UCMA: variants seen among roughly 807,000 people sequenced by gnomAD.
UCMA encodes the protein upper zone of growth plate and cartilage matrix-associated protein.
UCMA carries 21 observed loss-of-function variants against 21.8 expected under a neutral mutation model. The ratio of observed to expected loss-of-function variants is 0.97; its 90% CI spans 0.68 to 1.39. UCMA has a LOEUF of 1.39. UCMA is among the 40% of genes most tolerant of loss of function. UCMA has a pLI of 0.00. For synonymous variants in UCMA, 76 were observed against 67.9 expected (o/e 1.12, Z -0.58); for missense variants, 193 against 178.9 (o/e 1.08, Z -0.45).
Position 13,221,846 on chromosome 10 carries a change from G to C in UCMA, c.*257C>G. On this transcript the variant is annotated 3_prime_UTR_variant, in exon 5 of 5. Coordinates refer to ENST00000378681, the MANE Select transcript of UCMA (RefSeq NM_145314.3). ...TTCTTTTGCTTGGGAACGAAGCCAG[G>C]GGAAGCCACTGTAGGTTTGGTACTA... 2.1e-6 allele frequency: 1 copy of C among 485,796 alleles called. No homozygotes were observed. Among genetic ancestry groups the C allele is most frequent in the Non-Finnish European group, 3.7e-6 (1 of 273,178 alleles). 30.1% of individuals were successfully genotyped at this position (485,796 alleles called of 1,614,324 possible).
At chr10:13,222,871 G>A (rs1834776142) in intron 4 of UCMA, among the ~76,000 whole-genome samples, 1 of 151,692 alleles carries the variant, frequency 6.6e-6, no homozygotes, top group South Asian at 2.1e-4. Context: ...ATTTCAGTGT[G>A]TTGTCCAGGC....
intron 4 of UCMA, among the ~76,000 whole-genome samples, chr10:13,228,272 G>A (rs1834850909): frequency 6.6e-6 from 1 of 152,020 alleles, no homozygotes; most frequent in South Asian, 2.1e-4. Flanking sequence ...ACATTCGCTA[G>A]GCTAGTCTCA....
At chr10:13,229,113 T>G (rs1286073830) in intron 4 of UCMA, among the ~76,000 whole-genome samples, 1 of 151,902 alleles carries the variant, frequency 6.6e-6, no homozygotes, top group Non-Finnish European at 1.5e-5. Flanking sequence ...TTTTTGTATT[T>G]TTAGTAGAGA....
chr10:13,233,515 T>C (rs778566625), intron 3 of UCMA, 23 bp downstream of exon 3: 3 of 1,601,040 alleles, frequency 1.9e-6, no homozygotes, highest in East Asian at 2.2e-5. Flanking sequence ...GGACGCGGGA[T>C]GGGGTCCCTC....
At chr10:13,229,204 G>A (rs1226689190) in intron 4 of UCMA, among the ~76,000 whole-genome samples, 1 of 152,100 alleles carries the variant, frequency 6.6e-6, no homozygotes, top group Non-Finnish European at 1.5e-5. Context: ...CCAAAGTGCT[G>A]GGATTACAGG....
intron 3 of UCMA, 152 bp from the exon 4 acceptor site, chr10:13,229,861 T>C: frequency 1.6e-6 from 1 of 616,954 alleles, no homozygotes; most frequent in South Asian, 2.1e-5. Flanking sequence ...TGAAATGATT[T>C]ACTCCTGACA....
chr10:13,223,774 A>G (rs1011772699), intron 4 of UCMA, among the ~76,000 whole-genome samples: 2 of 150,794 alleles, frequency 1.3e-5, no homozygotes, highest in Non-Finnish European at 3.0e-5. Flanking sequence ...CTGGTCTTGA[A>G]CTCCTGACCT....
intron 4 of UCMA, among the ~76,000 whole-genome samples, chr10:13,229,221 C>T (rs367898543): frequency 6.6e-6 from 1 of 152,114 alleles, no homozygotes; most frequent in Non-Finnish European, 1.5e-5. Flanking sequence ...CAGGCATGAG[C>T]GACTGCGCCC....
At position 13,229,660 on chromosome 10, in the gene UCMA, G is replaced by A. The variant is rs768203649; in HGVS notation, c.270C>T (p.Tyr90=). ...LRVDELRREY[Y]EEQRNEFENF... is the part of the protein sequence containing the mutation. ...TCTCAAATTCATTCCTTTGTTCCTC[G>A]TAATATTCTCTCCGCAGCTCATCAA... The change falls in exon 4 of 5, where the codon TAC becomes TAT. Residue 90 remains tyrosine, a synonymous_variant. Transcript: ENST00000378681. 26 of 1,613,844 alleles carry A rather than the reference G, an allele frequency of 1.6e-5. No individual in the cohort carries two copies. Among genetic ancestry groups the A allele is most frequent in the East Asian group, 2.2e-5 (1 of 44,892 alleles).
intron 4 of UCMA, among the ~76,000 whole-genome samples, chr10:13,228,304 C>G (rs191376619): frequency 2.6e-4 from 40 of 152,154 alleles, no homozygotes; most frequent in Admixed American, 5.2e-4. Context: ...TCAAGTGATC[C>G]GCCCACCTCA....
In UCMA at chr10:13,229,723, A is replaced by G. The variant is rs1834874708; in HGVS notation, c.221-14T>C. On this transcript the variant is annotated splice_polypyrimidine_tract_variant and intron_variant, in intron 3 of 4. Transcript: ENST00000378681. ...GCCTGTTTTCCACTGTGAAAGGAAAAGAAGCAAGAGTTGCCCCTCAAGAAT... is the reference window on the plus strand; with the variant it reads ...GCCTGTTTTCCACTGTGAAAGGAAAGGAAGCAAGAGTTGCCCCTCAAGAAT... 6 of 1,612,652 alleles carry G rather than the reference A, an allele frequency of 3.7e-6. No homozygotes were observed. The highest frequency in any genetic ancestry group is 5.1e-6 in the Non-Finnish European group (6 of 1,178,882).
At chr10:13,222,932 G>A (rs574527782) in intron 4 of UCMA, among the ~76,000 whole-genome samples, 147 of 151,824 alleles carry the variant, frequency 9.7e-4, no homozygotes, top group African/African-American at 3.4e-3. Context: ...GCCTCCCAAA[G>A]TGCTGTGATT....
Position 13,233,737 on chromosome 10 carries a change from T to C in UCMA, c.122A>G (p.Glu41Gly). 1 of 1,614,008 alleles carries C rather than the reference T, an allele frequency of 6.2e-7. No homozygotes were observed. Among genetic ancestry groups the C allele is most frequent in the Non-Finnish European group, 8.5e-7 (1 of 1,180,012 alleles). ...CCGTGGGTGGCCCCTGCACTCACCT[T>C]CACTCGCCTCTTCTCCCGCCATCTG... ...TMQMAGEEAS[E>G]DAKQKIFMQE... Residue 41 changes from glutamate (E) to glycine (G), a missense_variant and splice_region_variant, in exon 2 of 5, where the codon GAA becomes GGA. Glu to Gly is a moderately conservative substitution (Grantham distance 98). Transcript: ENST00000378681.
intron 3 of UCMA, among the ~76,000 whole-genome samples, chr10:13,231,216 G>A (rs533452511): frequency 4.5e-4 from 68 of 152,164 alleles, no homozygotes; most frequent in African/African-American, 1.5e-3. Flanking sequence ...GATTCCAGAC[G>A]TCTGGAATGT....
intron 2 of UCMA, 42 bp downstream of exon 2, chr10:13,233,693 T>A (rs774937057): frequency 6.2e-7 from 1 of 1,613,944 alleles, no homozygotes; most frequent in Admixed American, 1.7e-5. Context: ...GCTGCTTCGC[T>A]GGCTGCACCT....
At chr10:13,231,291 G>A (rs377437470) in intron 3 of UCMA, among the ~76,000 whole-genome samples, 18 of 152,250 alleles carry the variant, frequency 1.2e-4, no homozygotes, top group East Asian at 7.7e-4. Flanking sequence ...AGAAGGGGTT[G>A]GTTATCCCAT....
rs763581799 is a variant in UCMA, at chr10:13,233,811, A to G, written c.59-11T>C. ...TTCCCTCTCTCAGCACTGCAGGACAAGGGCACAGAGTGAGGCTGCAGCATC... is the reference window on the plus strand; with the variant it reads ...TTCCCTCTCTCAGCACTGCAGGACAGGGGCACAGAGTGAGGCTGCAGCATC... On this transcript the variant is annotated splice_polypyrimidine_tract_variant and intron_variant, in intron 1 of 4. Transcript: ENST00000378681. 1 of 1,613,416 alleles carries G rather than the reference A, an allele frequency of 6.2e-7. No homozygotes were observed. Among genetic ancestry groups the G allele is most frequent in the Non-Finnish European group, 8.5e-7 (1 of 1,179,862 alleles).
chr10:13,233,255 T>C lies in UCMA; in HGVS notation c.220+283A>G, dbSNP rs111446949. 2.8e-3 allele frequency among the ~76,000 whole-genome samples: 433 copies of C among 152,364 alleles called. 3 individuals carry two copies. Among genetic ancestry groups the C allele is most frequent in the African/African-American group, 0.01 (426 of 41,594 alleles). ...TTATCCCTGTTAGGTGTGTTTAATG[T>C]AGCATCATGGCCAAGAAGCAGGACA... On this transcript the variant is annotated intron_variant, in intron 3 of 4. Transcript: ENST00000378681.
At position 13,233,734 on chromosome 10, in the gene UCMA, CCT is replaced by C. The variant is rs1170475416; in HGVS notation, c.123_124del (p.Asp42CysfsTer29). On this transcript the variant is annotated frameshift_variant and splice_region_variant, in exon 2 of 5. Coordinates refer to ENST00000378681, the MANE Select transcript of UCMA (RefSeq NM_145314.3). LOFTEE classifies it high-confidence loss of function. ...GCCCCGTGGGTGGCCCCTGCACTCA[CCT>C]TCACTCGCCTCTTCTCCCGCCATCT... 6.2e-7 allele frequency: 1 copy of C among 1,613,926 alleles called. No individual in the cohort carries two copies. Among genetic ancestry groups the C allele is most frequent in the Non-Finnish European group, 8.5e-7 (1 of 1,180,042 alleles).
Sources: gnomAD v4.1 joint callset for allele counts (sites outside exome capture counted in the v4.1 genomes callset) on GRCh38, gnomAD v4.1.1 for gene constraint, MANE v1.5 for transcripts, NCBI Gene and HGNC (gene_info 2026-07-23, HGNC 2026-07-21) for gene names.